The following SLC30A8 variants were observed in gnomAD, a reference collection of about 807,000 sequenced individuals.
The protein encoded by SLC30A8 is proton-coupled zinc antiporter SLC30A8.
Under a neutral mutation model 36.9 loss-of-function variants are expected in SLC30A8, and 27 were observed. That is an observed-to-expected ratio of 0.73 (90% CI 0.54 to 1.01). SLC30A8 has a LOEUF of 1.01. Ranked by LOEUF, SLC30A8 falls within the 50% of genes least tolerant of loss-of-function variation. The pLI is 0.00. For missense variants in SLC30A8, 439 were observed against 452.0 expected (o/e 0.97, Z 0.26); for synonymous variants, 164 against 172.4 (o/e 0.95, Z 0.38).
intron 2 of SLC30A8, among the ~76,000 whole-genome samples, chr8:117,110,618 C>A (rs1820185377): frequency 6.6e-6 from 1 of 152,110 alleles, no homozygotes; most frequent in African/African-American, 2.4e-5. Flanking sequence ...GTGTCCTGAG[C>A]CCCAGACTCT....
chr8:117,000,239 T>A (rs1475835962), intron 1 of SLC30A8, among the ~76,000 whole-genome samples: 1 of 152,032 alleles, frequency 6.6e-6, no homozygotes, highest in Non-Finnish European at 1.5e-5. Context: ...GTGAGGTGGG[T>A]GTGGGCAGTG....
rs1822994706 is a variant in SLC30A8, at chr8:117,165,145, A to G, written c.829+1615A>G. Among the ~76,000 whole-genome samples, 2 of 152,246 alleles carry G rather than the reference A, an allele frequency of 1.3e-5. 1 individual carries two copies. Among genetic ancestry groups the G allele is most frequent in the South Asian group, 4.1e-4 (2 of 4,834 alleles). ...ACCCACCTCTGTTCAAATGCTAGTC[A>G]TGCAAGTTTCTAGCTGTGAGACCTC... On this transcript the variant is annotated intron_variant, in intron 6 of 7. Coordinates refer to ENST00000456015, the MANE Select transcript of SLC30A8 (RefSeq NM_173851.3).
chr8:117,019,465 A>G (rs911489138), intron 1 of SLC30A8, among the ~76,000 whole-genome samples: 1 of 152,194 alleles, frequency 6.6e-6, no homozygotes, highest in African/African-American at 2.4e-5. Flanking sequence ...CCATTCCTCA[A>G]TGCTCCCTCT....
At chr8:117,062,706 A>G (rs1818056778) in intron 2 of SLC30A8, among the ~76,000 whole-genome samples, 1 of 152,154 alleles carries the variant, frequency 6.6e-6, no homozygotes, top group Non-Finnish European at 1.5e-5. Flanking sequence ...CAGAAGTAGG[A>G]AACTATAGAG....
chr8:117,073,258 CTT>C (rs35458253), intron 2 of SLC30A8, among the ~76,000 whole-genome samples: 103 of 140,222 alleles, frequency 7.3e-4, no homozygotes, highest in African/African-American at 2.0e-3. Flanking sequence ...ATTTCTTTCA[CTT>C]TTTTTTTTTT....
At chr8:117,131,512 G>T (rs1179212865), upstream of SLC30A8, among the ~76,000 whole-genome samples, 1 of 152,008 alleles carries the variant, frequency 6.6e-6, no homozygotes, top group East Asian at 1.9e-4. Context: ...CTACTGGTGA[G>T]GGGGTAGAAT....
At chr8:116,952,750 C>T (rs1467430209) in intron 1 of SLC30A8, among the ~76,000 whole-genome samples, 5 of 152,176 alleles carry the variant, frequency 3.3e-5, no homozygotes, top group Non-Finnish European at 7.3e-5. Flanking sequence ...AGCCACCGGG[C>T]CTGGCCACTT....
intron 2 of SLC30A8, among the ~76,000 whole-genome samples, chr8:117,096,417 C>T (rs1376348926): frequency 4.6e-5 from 7 of 152,098 alleles, no homozygotes; most frequent in African/African-American, 1.7e-4. Flanking sequence ...CACATGCCTG[C>T]CTTGCTTGAT....
intron 1 of SLC30A8, among the ~76,000 whole-genome samples, chr8:117,010,989 G>C (rs1816325809): frequency 6.6e-6 from 1 of 152,174 alleles, no homozygotes; most frequent in Admixed American, 6.5e-5. Flanking sequence ...AGTTTGACAT[G>C]AGATTTGTGC....
chr8:117,142,513 T>C lies in SLC30A8; in HGVS notation c.72-4441T>C, dbSNP rs1821700023. Among the ~76,000 whole-genome samples the C allele has an allele frequency of 1.3e-5, 2 of 152,154 alleles. 1 individual carries two copies. The highest frequency in any genetic ancestry group is 1.3e-4 in the Admixed American group (2 of 15,270). ...TGTTCTGCAAAATCTGATCCCTTTT[T>C]TGACCTCTTTATATTTCACTCTTTC... On this transcript the variant is annotated intron_variant, in intron 1 of 7. Coordinates refer to ENST00000456015, the MANE Select transcript of SLC30A8 (RefSeq NM_173851.3).
At chr8:117,044,634 T>C (rs746630912) in intron 2 of SLC30A8, among the ~76,000 whole-genome samples, 1 of 152,186 alleles carries the variant, frequency 6.6e-6, no homozygotes, top group Non-Finnish European at 1.5e-5. Context: ...AGGTTTATCT[T>C]TGGGGTATAA....
Position 116,979,683 on chromosome 8 carries a change from G to A in SLC30A8, c.-266+28564G>A, listed in dbSNP as rs926128039. On this transcript the variant is annotated intron_variant, in intron 1 of 10. Transcript: ENST00000427715. The stretch of plus-strand genomic sequence containing the variant: ...CACAGAGCAGAAGTGTGAGGCCAAC[G>A]CAAGTGGATTCTTCATGTACTCACT... Among the ~76,000 whole-genome samples, 5 of 152,162 alleles carry A rather than the reference G, an allele frequency of 3.3e-5. 1 individual carries two copies. Among genetic ancestry groups the A allele is most frequent in the African/African-American group, 9.7e-5 (4 of 41,446 alleles).
intron 2 of SLC30A8, among the ~76,000 whole-genome samples, chr8:117,056,633 A>G (rs1197425017): frequency 6.6e-6 from 1 of 152,220 alleles, no homozygotes; most frequent in African/African-American, 2.4e-5. Context: ...AAGTCTAACT[A>G]AAGCCTGGTC....
intron 2 of SLC30A8, among the ~76,000 whole-genome samples, chr8:117,085,381 G>T (rs1399924353): frequency 6.6e-6 from 1 of 152,052 alleles, no homozygotes; most frequent in African/African-American, 2.4e-5. Context: ...TCTCTATAAT[G>T]AATAAAAATT....
At chr8:116,990,217 A>T (rs955510021) in intron 1 of SLC30A8, among the ~76,000 whole-genome samples, 4 of 152,088 alleles carry the variant, frequency 2.6e-5, no homozygotes, top group African/African-American at 9.7e-5. Flanking sequence ...CTTGTTCCTA[A>T]AACCTAGGTT....
chr8:116,993,894 ATAC>A (rs1253197402), intron 1 of SLC30A8, among the ~76,000 whole-genome samples: 1 of 151,990 alleles, frequency 6.6e-6, no homozygotes, highest in Non-Finnish European at 1.5e-5. Flanking sequence ...AGTTATACCA[ATAC>A]ATTTAAAATA....
At chr8:117,064,039 C>T (rs1333366875) in intron 2 of SLC30A8, among the ~76,000 whole-genome samples, 2 of 151,888 alleles carry the variant, frequency 1.3e-5, no homozygotes, top group Non-Finnish European at 2.9e-5. Flanking sequence ...CTCTTGTTGC[C>T]CAGGTTGGAG....
chr8:116,986,426 A>G (rs1198679105), intron 1 of SLC30A8, among the ~76,000 whole-genome samples: 1 of 152,124 alleles, frequency 6.6e-6, no homozygotes, highest in Non-Finnish European at 1.5e-5. Flanking sequence ...TAAATCCCAT[A>G]CTGATGAGCA....
chr8:117,043,119 T>G (rs1286966771), intron 2 of SLC30A8, among the ~76,000 whole-genome samples: 1 of 152,238 alleles, frequency 6.6e-6, no homozygotes, highest in African/African-American at 2.4e-5. Flanking sequence ...CAGCTTATAT[T>G]TTTTTGGTTG....
Sources: allele counts gnomAD v4.1 joint callset (sites outside exome capture counted in the v4.1 genomes callset), GRCh38; gene constraint gnomAD v4.1.1; transcripts MANE v1.5; gene names NCBI Gene and HGNC (gene_info 2026-07-23, HGNC 2026-07-21).